CNTNAP2: variants seen among roughly 807,000 people sequenced by gnomAD.
The protein encoded by CNTNAP2 is contactin associated protein 2.
A neutral mutation model predicts 155.2 loss-of-function variants in CNTNAP2; 98 were observed. That is an observed-to-expected ratio of 0.63 (90% CI 0.54 to 0.75). The LOEUF is 0.75. CNTNAP2 is among the 30% of genes least tolerant of loss of function. The pLI, the probability that CNTNAP2 is intolerant of heterozygous loss-of-function variation, is 0.00. For synonymous variants in CNTNAP2, 651 were observed against 631.2 expected, an observed-to-expected ratio of 1.03 and a Z score of -0.47; for missense variants, 1,727 against 1,688.1, an observed-to-expected ratio of 1.02 and a Z score of -0.40.
chr7:146,276,009 C>T (rs763905204), intron 1 of CNTNAP2, among the ~76,000 whole-genome samples: 1 of 152,148 alleles, frequency 6.6e-6, no homozygotes, highest in African/African-American at 2.4e-5. Flanking sequence ...ACAAGACAGT[C>T]ACCCACAACT....
intron 3 of CNTNAP2, among the ~76,000 whole-genome samples, chr7:147,010,481 A>G (rs946509771): frequency 6.6e-6 from 1 of 152,162 alleles, no homozygotes; most frequent in African/African-American, 2.4e-5. Context: ...TAAAATATCT[A>G]TTTGTGCCAG....
At chr7:146,932,978 G>A (rs1283428236) in intron 3 of CNTNAP2, among the ~76,000 whole-genome samples, 1 of 152,144 alleles carries the variant, frequency 6.6e-6, no homozygotes, top group Non-Finnish European at 1.5e-5. Flanking sequence ...CTCATGGGTA[G>A]GAAGAATCAA....
intron 22 of CNTNAP2, among the ~76,000 whole-genome samples, chr7:148,404,995 C>T (rs6950327): frequency 0.29 from 44,185 of 151,836 alleles, 7,430 homozygotes; most frequent in African/African-American, 0.45. Context: ...GGTTACAGGA[C>T]TGGGGGGCAT....
chr7:147,702,761 T>C (rs866301549), intron 13 of CNTNAP2, among the ~76,000 whole-genome samples: 23 of 152,262 alleles, frequency 1.5e-4, no homozygotes, highest in Admixed American at 1.4e-3. Context: ...GTGGCCTGTG[T>C]AGCCACAGAG....
chr7:146,726,105 C>T (rs73168731), intron 1 of CNTNAP2, among the ~76,000 whole-genome samples: 5,218 of 152,128 alleles, frequency 0.034, 133 homozygotes, highest in East Asian at 0.12. Context: ...AAAACCTCAA[C>T]GATTACATTT....
chr7:147,175,964 T>C (rs1380606260), intron 8 of CNTNAP2, among the ~76,000 whole-genome samples: 1 of 152,140 alleles, frequency 6.6e-6, no homozygotes, highest in Non-Finnish European at 1.5e-5. Flanking sequence ...GTCAAACATA[T>C]CCTAATATCA....
intron 11 of CNTNAP2, among the ~76,000 whole-genome samples, chr7:147,534,092 C>T (rs141628600): frequency 0.01 from 1,565 of 152,252 alleles, 26 homozygotes; most frequent in African/African-American, 0.036. Flanking sequence ...GATTTTGGGG[C>T]ATTGTGTAAG....
At chr7:147,501,601 G>A (rs961986398) in intron 11 of CNTNAP2, among the ~76,000 whole-genome samples, 15 of 152,134 alleles carry the variant, frequency 9.9e-5, no homozygotes, top group Admixed American at 2.0e-4. Context: ...TGGTTCATGA[G>A]ATAATTCACA....
intron 9 of CNTNAP2, among the ~76,000 whole-genome samples, chr7:147,314,714 G>A (rs929441539): frequency 1.3e-5 from 2 of 151,128 alleles, no homozygotes; most frequent in Non-Finnish European, 3.0e-5. Context: ...CAAAGAGATG[G>A]ACTCAAGGAT....
chr7:146,663,277 C>CAAAAAAAAAAAAAAAAAAAAAAA (rs543257224), intron 1 of CNTNAP2, among the ~76,000 whole-genome samples: 1 of 33,238 alleles, frequency 3.0e-5, no homozygotes, highest in African/African-American at 7.6e-5. Flanking sequence ...AACTCCATCT[C>CAAAAAAAAAAAAAAAAAAAAAAA]AAAAAAAAAA....
intron 1 of CNTNAP2, among the ~76,000 whole-genome samples, chr7:146,612,200 T>G (rs953554404): frequency 6.7e-6 from 1 of 149,322 alleles, no homozygotes; most frequent in African/African-American, 2.5e-5. Context: ...TTAATAAAAA[T>G]AGTTATTACT....
At chr7:148,069,604 C>T (rs1035799696) in intron 15 of CNTNAP2, among the ~76,000 whole-genome samples, 5 of 151,748 alleles carry the variant, frequency 3.3e-5, no homozygotes, top group Non-Finnish European at 7.4e-5. Context: ...CTACTAAAAA[C>T]ACAAAATTAG....
At chr7:146,342,600 T>C (rs953604531) in intron 1 of CNTNAP2, among the ~76,000 whole-genome samples, 9 of 152,196 alleles carry the variant, frequency 5.9e-5, no homozygotes, top group African/African-American at 1.9e-4. Flanking sequence ...GCTTTCTAGA[T>C]ATTAAAAAGC....
intron 21 of CNTNAP2, among the ~76,000 whole-genome samples, chr7:148,380,443 A>G (rs1441126080): frequency 1.3e-5 from 2 of 152,218 alleles, no homozygotes; most frequent in Non-Finnish European, 2.9e-5. Flanking sequence ...TTGAAAATCA[A>G]ATTGTTGGCT....
intron 3 of CNTNAP2, among the ~76,000 whole-genome samples, chr7:146,847,366 T>C (rs1234653341): frequency 1.3e-5 from 2 of 152,186 alleles, no homozygotes; most frequent in African/African-American, 2.4e-5. Context: ...AGGCAGATTA[T>C]ACAATTTTGG....
At chr7:147,733,149 G>A (rs1796774617) in intron 13 of CNTNAP2, among the ~76,000 whole-genome samples, 1 of 152,152 alleles carries the variant, frequency 6.6e-6, no homozygotes, top group East Asian at 1.9e-4. Context: ...TTTCTTCTAA[G>A]GCTTTTATGG....
At chr7:146,171,280 A>G (rs1326810291) in intron 1 of CNTNAP2, among the ~76,000 whole-genome samples, 2 of 152,186 alleles carry the variant, frequency 1.3e-5, no homozygotes, top group East Asian at 3.8e-4. Context: ...ACAATATTTT[A>G]TAGTATAGTT....
chr7:147,693,635 T>C (rs920104003), intron 13 of CNTNAP2, among the ~76,000 whole-genome samples: 1 of 152,056 alleles, frequency 6.6e-6, no homozygotes, highest in Non-Finnish European at 1.5e-5. Context: ...TCTTACTTAT[T>C]TATTGCTGGT....
chr7:146,637,834 T>A (rs1799625205), intron 1 of CNTNAP2, among the ~76,000 whole-genome samples: 1 of 152,222 alleles, frequency 6.6e-6, no homozygotes, highest in South Asian at 2.1e-4. Context: ...AAGATACCAG[T>A]TTAATTTTAA....
Sources: allele counts gnomAD v4.1 joint callset (sites outside exome capture counted in the v4.1 genomes callset), GRCh38; gene constraint gnomAD v4.1.1; transcripts MANE v1.5; gene names NCBI Gene and HGNC (gene_info 2026-07-23, HGNC 2026-07-21).